Variants in MYOF observed in about 807,000 individuals in gnomAD.
MYOF encodes fer-1-like 3, myoferlin.
Under a neutral mutation model 284.2 loss-of-function variants are expected in MYOF, and 244 were observed. The ratio of observed to expected loss-of-function variants is 0.86; its 90% CI spans 0.77 to 0.95. MYOF has a LOEUF of 0.95. MYOF is among the 40% of genes least tolerant of loss of function. The probability of loss-of-function intolerance (pLI) is 0.00; values close to 1 mark genes in which losing one functional copy is unlikely to be tolerated. For missense variants in MYOF, 2,496 were observed against 2,560.6 expected, an observed-to-expected ratio of 0.97 and a Z score of 0.54; for synonymous variants, 904 against 919.7, an observed-to-expected ratio of 0.98 and a Z score of 0.31.
intron 46 of MYOF, 156 bp from the exon 47 acceptor site, chr10:93,323,514 A>C (rs1418717228): frequency 5.8e-6 from 4 of 686,166 alleles, no homozygotes; most frequent in Non-Finnish European, 7.2e-6. Flanking sequence ...AGAGCAAACC[A>C]AGGTTAATCT....
At chr10:93,307,062 G>C (rs1311342323) in intron 53 of MYOF, 61 bp from the exon 54 acceptor site, 2 of 1,470,024 alleles carry the variant, frequency 1.4e-6, no homozygotes, top group Non-Finnish European at 1.9e-6. Context: ...TTTCAGTTAG[G>C]GTTTCTCAAT....
intron 51 of MYOF, 22 bp from the exon 52 acceptor site, chr10:93,310,665 T>C: frequency 6.2e-7 from 1 of 1,602,608 alleles, no homozygotes; most frequent in Non-Finnish European, 8.5e-7. Flanking sequence ...CAGAGCAGGT[T>C]AAACATATGA....
intron 4 of MYOF, among the ~76,000 whole-genome samples, chr10:93,430,271 T>C (rs979795124): frequency 4.0e-5 from 6 of 148,354 alleles, no homozygotes; most frequent in African/African-American, 7.4e-5. Context: ...CCAGAAAACA[T>C]CCAGCACCCA....
chr10:93,340,732 G>A (rs1843859928), intron 38 of MYOF, among the ~76,000 whole-genome samples: 1 of 149,416 alleles, frequency 6.7e-6, no homozygotes, highest in South Asian at 2.2e-4. Context: ...AGGATGTCAA[G>A]TTTCCATTGG....
chr10:93,323,668 A>G lies in MYOF; in HGVS notation c.5272-310T>C, dbSNP rs1842928391. 5 of 348,366 alleles carry G rather than the reference A, an allele frequency of 1.4e-5. No homozygotes were observed. In the East Asian group the frequency reaches 2.5e-4, roughly 17 times the overall value. The allele number at this position is 348,366 out of a possible 1,614,324, so 21.6% of individuals were successfully genotyped here. ...TTCCCATCACTAACCCAACCCCAAC[A>G]TACACATCCCACAGGCAGGCACACG... On this transcript the variant is annotated intron_variant, in intron 46 of 53. Coordinates refer to ENST00000359263, the MANE Select transcript of MYOF (RefSeq NM_013451.4).
At chr10:93,351,980 T>C in intron 32 of MYOF, 134 bp from the exon 33 acceptor site, 3 of 819,052 alleles carry the variant, frequency 3.7e-6, no homozygotes, top group Non-Finnish European at 5.5e-6. Context: ...AGATAGGGTT[T>C]CTAGGGAGCA....
intron 4 of MYOF, among the ~76,000 whole-genome samples, chr10:93,426,715 C>A (rs933791303): frequency 6.6e-6 from 1 of 151,994 alleles, no homozygotes; most frequent in African/African-American, 2.4e-5. Context: ...ATGGCGAAAC[C>A]TTGTCTCTAC....
intron 4 of MYOF, among the ~76,000 whole-genome samples, chr10:93,431,033 T>TCTTTC (rs1564713149): frequency 6.8e-5 from 10 of 147,866 alleles, no homozygotes; most frequent in South Asian, 2.1e-4. Context: ...TCTTTTTTTT[T>TCTTTC]TTTTTTTTGT....
chr10:93,349,666 G>A (rs1176447354), intron 36 of MYOF, 142 bp downstream of exon 36: 1 of 969,474 alleles, frequency 1.0e-6, no homozygotes, highest in Non-Finnish European at 1.5e-6. Context: ...AGGGGAAAAA[G>A]TCACTGACAA....
chr10:93,452,895 A>G lies in MYOF; in HGVS notation c.145-754T>C, dbSNP rs914361656. 2.0e-5 allele frequency among the ~76,000 whole-genome samples: 3 copies of G among 152,064 alleles called. No homozygotes were observed. In the East Asian group the frequency reaches 5.8e-4, roughly 29 times the overall value. The stretch of plus-strand genomic sequence containing the variant: ...AGTTCCACCATGGTCGGTCAATGCT[A>G]TAATATACCGACCTTTCTGAGACTC... On this transcript the variant is annotated intron_variant, in intron 2 of 53. Transcript: ENST00000359263.
At chr10:93,394,874 T>C (rs183126511) in intron 16 of MYOF, among the ~76,000 whole-genome samples, 50 of 150,982 alleles carry the variant, frequency 3.3e-4, no homozygotes, top group South Asian at 2.3e-3. Context: ...TAATACTATA[T>C]ATACATACAT....
intron 35 of MYOF, among the ~76,000 whole-genome samples, chr10:93,350,691 A>G (rs1204428552): frequency 1.3e-5 from 2 of 152,184 alleles, no homozygotes; most frequent in Non-Finnish European, 2.9e-5. Context: ...AACTCTTAGC[A>G]GGACAGCCAG....
At position 93,431,506 on chromosome 10, in the gene MYOF, T is replaced by C. The variant is rs541903155; in HGVS notation, c.247A>G (p.Thr83Ala). The change falls in exon 4 of 54, where the codon ACG (threonine) becomes GCG (alanine). Residue 83 changes from threonine to alanine, a missense_variant. By Grantham distance (58) the Thr-to-Ala change is moderately conservative. Coordinates refer to ENST00000359263, the MANE Select transcript of MYOF (RefSeq NM_013451.4). Reference sequence around the variant, plus strand: ...AGGTCCTTCAGGGCTACAGTCGCCGTGCCAATTAATCTGCAGGGAAAACAG... The same window carrying C: ...AGGTCCTTCAGGGCTACAGTCGCCGCGCCAATTAATCTGCAGGGAAAACAG... ...ETIGQNKLIG[T>A]ATVALKDLTG... The C allele has an allele frequency of 3.8e-5, 61 of 1,613,700 alleles. 2 individuals carry two copies. The Middle Eastern group carries it at 8.2e-4, about 22-fold the overall frequency.
At chr10:93,447,236 T>C (rs1166497677) in intron 3 of MYOF, among the ~76,000 whole-genome samples, 1 of 152,236 alleles carries the variant, frequency 6.6e-6, no homozygotes, top group Non-Finnish European at 1.5e-5. Flanking sequence ...TGTTTTAACC[T>C]GATTGTCTCT....
chr10:93,460,524 G>A (rs2056848151), intron 1 of MYOF, among the ~76,000 whole-genome samples: 1 of 152,234 alleles, frequency 6.6e-6, no homozygotes, highest in South Asian at 2.1e-4. Context: ...AGCACTTTGG[G>A]AGGCCAAGGC....
intron 53 of MYOF, among the ~76,000 whole-genome samples, chr10:93,309,516 GAAAC>G (rs2133698787): frequency 6.6e-6 from 1 of 152,262 alleles, no homozygotes; most frequent in East Asian, 1.9e-4. Context: ...TGTGGACAGA[GAAAC>G]AAAATTGGCA....
intron 2 of MYOF, among the ~76,000 whole-genome samples, chr10:93,453,198 C>T (rs550433565): frequency 1.3e-5 from 2 of 151,402 alleles, no homozygotes; most frequent in Non-Finnish European, 2.9e-5. Flanking sequence ...CAGAGTCTTG[C>T]CCTGTTGCCC....
At chr10:93,330,488 G>A (rs1202836646) in intron 43 of MYOF, among the ~76,000 whole-genome samples, 3 of 152,164 alleles carry the variant, frequency 2.0e-5, no homozygotes, top group Non-Finnish European at 4.4e-5. Context: ...TCACCATAGG[G>A]TGTGATATGT....
At chr10:93,418,768 A>G (rs904394159) in intron 5 of MYOF, among the ~76,000 whole-genome samples, 7 of 152,336 alleles carry the variant, frequency 4.6e-5, no homozygotes, top group Non-Finnish European at 1.0e-4. Flanking sequence ...AGATGACTGC[A>G]CGTTTAGAGA....
Sources: allele counts gnomAD v4.1 joint callset (sites outside exome capture counted in the v4.1 genomes callset), GRCh38; gene constraint gnomAD v4.1.1; transcripts MANE v1.5; gene names NCBI Gene and HGNC (gene_info 2026-07-23, HGNC 2026-07-21).